CEP170: variants seen among roughly 807,000 people sequenced by gnomAD.
CEP170 encodes centrosomal protein of 170 kDa.
CEP170 carries 21 observed loss-of-function variants against 151.9 expected under a neutral mutation model. That is an observed-to-expected ratio of 0.14 (90% CI 0.10 to 0.20). The LOEUF is 0.20. Among genes scored for constraint, CEP170 ranks in the 10% least tolerant of loss-of-function variants. CEP170 has a pLI of 1.00. For missense variants in CEP170, 964 were observed against 1,892.9 expected (o/e 0.51, Z 9.11); for synonymous variants, 356 against 648.8 (o/e 0.55, Z 6.86).
chr1:243,221,079 C>T (rs1415822357), intron 3 of CEP170, among the ~76,000 whole-genome samples: 1 of 152,112 alleles, frequency 6.6e-6, no homozygotes, highest in Non-Finnish European at 1.5e-5. Flanking sequence ...GGCTGGAGTG[C>T]AGTGGCGCTG....
chr1:243,241,682 C>T (rs1437070830), intron 1 of CEP170, among the ~76,000 whole-genome samples: 1 of 151,512 alleles, frequency 6.6e-6, no homozygotes, highest in Non-Finnish European at 1.5e-5. Context: ...CCCAGCTAAT[C>T]GGGTGGCTGA....
intron 15 of CEP170, among the ~76,000 whole-genome samples, chr1:243,141,432 A>G (rs2055823008): frequency 6.6e-6 from 1 of 152,182 alleles, no homozygotes; most frequent in Non-Finnish European, 1.5e-5. Context: ...TGTAATTTTC[A>G]TGTTGCGAAT....
rs1157534460 is a variant in CEP170, at chr1:243,185,951, C to T, written c.1394G>A (p.Gly465Glu). ...CTGGCTTGGTCTGTGCCCAAGACTCCCTGAACTTCTTAATAATGCAGTTTG... is the reference window on the plus strand; with the variant it reads ...CTGGCTTGGTCTGTGCCCAAGACTCTCTGAACTTCTTAATAATGCAGTTTG... ...FLQTALLRSS[G>E]SLGHRPSQEM... Residue 465 changes from glycine to glutamate, a missense_variant, in exon 10 of 20, where the codon GGG becomes GAG. Physicochemically the swap from Gly to Glu is moderately conservative, Grantham distance 98. Coordinates refer to ENST00000366542, the MANE Select transcript of CEP170 (RefSeq NM_014812.3). This position sits in a 1 kb window ranked among gnomAD's most constrained non-coding sequence, Gnocchi z 4.9. 1 of 1,613,570 alleles carries T rather than the reference C, an allele frequency of 6.2e-7. No homozygotes were observed. The highest frequency in any genetic ancestry group is 8.5e-7 in the Non-Finnish European group (1 of 1,179,704).
At chr1:243,162,980 A>AT (rs2058181544) in intron 13 of CEP170, among the ~76,000 whole-genome samples, 1 of 152,116 alleles carries the variant, frequency 6.6e-6, no homozygotes, top group African/African-American at 2.4e-5. Context: ...AATGTTGTCT[A>AT]TTTTTTTTGG....
intron 4 of CEP170, among the ~76,000 whole-genome samples, chr1:243,210,444 T>G (rs2148900051): frequency 6.6e-6 from 1 of 152,142 alleles, no homozygotes; most frequent in East Asian, 1.9e-4. Flanking sequence ...TTATTTTGCA[T>G]GAAGCATTTT....
chr1:243,180,414 T>C (rs2059545640), intron 10 of CEP170, among the ~76,000 whole-genome samples: 2 of 152,122 alleles, frequency 1.3e-5, no homozygotes, highest in Non-Finnish European at 2.9e-5. Flanking sequence ...GGAGAACTAA[T>C]CAGAGAAACC....
At chr1:243,251,535 T>TAC (rs774795914) in intron 1 of CEP170, among the ~76,000 whole-genome samples, 1 of 152,112 alleles carries the variant, frequency 6.6e-6, no homozygotes, top group Non-Finnish European at 1.5e-5. Flanking sequence ...AGAAATTAAA[T>TAC]ACACACACAC....
At chr1:243,174,467 TG>T (rs1382519452) in intron 10 of CEP170, among the ~76,000 whole-genome samples, 3 of 152,012 alleles carry the variant, frequency 2.0e-5, no homozygotes, top group Non-Finnish European at 1.5e-5. Context: ...AAAGTTTTAA[TG>T]GTCTTATAGT....
intron 1 of CEP170, among the ~76,000 whole-genome samples, chr1:243,243,654 G>A (rs1464421411): frequency 1.3e-5 from 2 of 151,922 alleles, no homozygotes; most frequent in Non-Finnish European, 2.9e-5. Context: ...CTCCCGAGTA[G>A]CTGGGACTAC....
In CEP170 at chr1:243,133,906, TGTG is replaced by T. The variant is rs2054720779; in HGVS notation, c.4319+2234_4319+2236del. 1.3e-5 allele frequency among the ~76,000 whole-genome samples: 2 copies of T among 152,356 alleles called. 1 individual carries two copies. Among genetic ancestry groups the T allele is most frequent in the South Asian group, 4.1e-4 (2 of 4,830 alleles). ...ATAAGCCCTATCAGGATTTATAAAATGTGGTATTTATAAACAGCATTCAACTAA... is the reference window on the plus strand; with the variant it reads ...ATAAGCCCTATCAGGATTTATAAAATGTATTTATAAACAGCATTCAACTAA... On this transcript the variant is annotated intron_variant, in intron 17 of 19. Transcript: ENST00000366542.
At chr1:243,254,334 A>G (rs948981830) in intron 1 of CEP170, 1 of 152,150 alleles carries the variant, frequency 6.6e-6, no homozygotes, top group African/African-American at 2.4e-5. Context: ...CTTGCATAAA[A>G]TGGAAGCGAA....
intron 1 of CEP170, among the ~76,000 whole-genome samples, chr1:243,246,624 AAGTT>A (rs10563410): frequency 0.31 from 47,573 of 151,888 alleles, 7,767 homozygotes; most frequent in South Asian, 0.54. Flanking sequence ...GCCACATTAA[AAGTT>A]AGAGCCAGAA....
At chr1:243,139,912 A>T (rs746388231) in intron 16 of CEP170, 25 bp downstream of exon 16, 28 of 1,604,238 alleles carry the variant, frequency 1.7e-5, no homozygotes, top group Non-Finnish European at 2.4e-5. Flanking sequence ...CTTCTGCCAC[A>T]TGTTAAAATT....
At chr1:243,199,278 G>C in intron 6 of CEP170, 84 bp from the exon 7 acceptor site, 1 of 1,420,038 alleles carries the variant, frequency 7.0e-7, no homozygotes, top group Non-Finnish European at 9.5e-7. Flanking sequence ...CTGCCTGCTT[G>C]ATTAATTAAA....
At chr1:243,187,558 T>G (rs1394145460) in intron 8 of CEP170, among the ~76,000 whole-genome samples, 1 of 152,192 alleles carries the variant, frequency 6.6e-6, no homozygotes, top group Non-Finnish European at 1.5e-5. Context: ...CTAAATCTGA[T>G]TTTTAAATTT....
chr1:243,225,152 T>C (rs1488079493), intron 2 of CEP170, 24 bp downstream of exon 2: 5 of 1,454,554 alleles, frequency 3.4e-6, no homozygotes, highest in African/African-American at 2.9e-5. Context: ...AATAAACACA[T>C]ATAGAGAAGC....
intron 14 of CEP170, among the ~76,000 whole-genome samples, chr1:243,147,808 T>A (rs1165595731): frequency 2.6e-5 from 4 of 152,204 alleles, no homozygotes; most frequent in Non-Finnish European, 5.9e-5. Context: ...TTTTAGAGTT[T>A]GACTTAAAAA....
At chr1:243,254,187 A>AAAATAAAT (rs139268057) in intron 1 of CEP170, among the ~76,000 whole-genome samples, 5,648 of 148,734 alleles carry the variant, frequency 0.038, 342 homozygotes, top group African/African-American at 0.13. Flanking sequence ...TACATTCCTC[A>AAAATAAAT]AAATAAATAA....
chr1:243,172,887 T>G (rs766249233), intron 10 of CEP170, 41 bp from the exon 11 acceptor site: 121 of 1,504,190 alleles, frequency 8.0e-5, no homozygotes, highest in Middle Eastern at 1.8e-4. Context: ...ACGAAAAGTC[T>G]GAACACAAGA....
Sources: allele counts gnomAD v4.1 joint callset (sites outside exome capture counted in the v4.1 genomes callset), GRCh38; gene constraint gnomAD v4.1.1; non-coding constraint Gnocchi (gnomAD v3.1); transcripts MANE v1.5; gene names NCBI Gene and HGNC (gene_info 2026-07-23, HGNC 2026-07-21).